CNTNAP2: variants seen among roughly 807,000 people sequenced by gnomAD.
CNTNAP2 encodes contactin associated protein 2, also known as contactin-associated protein-like 2.
A neutral mutation model predicts 155.2 loss-of-function variants in CNTNAP2; 98 were observed. The observed-to-expected ratio is 0.63, with a 90% CI of 0.54 to 0.75. The LOEUF (loss-of-function observed/expected upper bound fraction) is 0.75. Among genes scored for constraint, CNTNAP2 ranks in the 30% least tolerant of loss-of-function variants. The probability of loss-of-function intolerance (pLI) is 0.00; values close to 1 mark genes in which losing one functional copy is unlikely to be tolerated. For missense variants in CNTNAP2, 1,727 were observed against 1,688.1 expected (o/e 1.02, Z -0.40); for synonymous variants, 651 against 631.2 (o/e 1.03, Z -0.47).
At chr7:147,712,036 C>T (rs1796407934) in intron 13 of CNTNAP2, among the ~76,000 whole-genome samples, 1 of 152,104 alleles carries the variant, frequency 6.6e-6, no homozygotes, top group Non-Finnish European at 1.5e-5. Context: ...TTTCTCATTA[C>T]TCTCAATACA....
intron 1 of CNTNAP2, among the ~76,000 whole-genome samples, chr7:146,711,162 G>A (rs1397110383): frequency 6.7e-6 from 1 of 150,232 alleles, no homozygotes; most frequent in African/African-American, 2.4e-5. Context: ...AGGAGAAAAT[G>A]CTTGCAAGGC....
chr7:147,181,093 A>G (rs961337518), intron 8 of CNTNAP2, among the ~76,000 whole-genome samples: 1 of 152,182 alleles, frequency 6.6e-6, no homozygotes, highest in East Asian at 1.9e-4. Context: ...GCATGGGACA[A>G]TGAGGGCACA....
In CNTNAP2 at chr7:147,639,311, G is replaced by A. The variant is rs994335919; in HGVS notation, c.2098+5G>A. 62 of 1,613,290 alleles carry A rather than the reference G, an allele frequency of 3.8e-5. No individual in the cohort carries two copies. The highest frequency in any genetic ancestry group is 4.7e-5 in the Non-Finnish European group (55 of 1,179,522). ...CAAGATTGTTGAACACCCCAGGTAG[G>A]CTGAGAATGGAATGTTACTTTTAAT... is the stretch of plus-strand genomic sequence containing the variant. On this transcript the variant is annotated splice_donor_5th_base_variant and intron_variant, in intron 13 of 23. Coordinates refer to ENST00000361727, the MANE Select transcript of CNTNAP2 (RefSeq NM_014141.6).
At chr7:147,065,617 C>T (rs1439252943) in intron 4 of CNTNAP2, among the ~76,000 whole-genome samples, 1 of 152,108 alleles carries the variant, frequency 6.6e-6, no homozygotes, top group Non-Finnish European at 1.5e-5. Context: ...TATCCTGTCA[C>T]TTATATGTTC....
At position 148,018,756 on chromosome 7, in the gene CNTNAP2, TTTTGGC is replaced by T. The variant is rs1163132196; in HGVS notation, c.2383+40768_2383+40773del. Reference sequence around the variant, plus strand: ...GTGGGAAGGAGTCCCATGCTCTCATTTTTGGCACAAACAGAGTTTGACTCTCACCAC... The same window carrying T: ...GTGGGAAGGAGTCCCATGCTCTCATTACAAACAGAGTTTGACTCTCACCAC... On this transcript the variant is annotated intron_variant, in intron 15 of 23. Coordinates refer to ENST00000361727, the MANE Select transcript of CNTNAP2 (RefSeq NM_014141.6). Among the ~76,000 whole-genome samples, 17 of 152,284 alleles carry T rather than the reference TTTTGGC, an allele frequency of 1.1e-4. 1 individual carries two copies. The East Asian group carries it at 3.1e-3, about 28-fold the overall frequency.
intron 9 of CNTNAP2, among the ~76,000 whole-genome samples, chr7:147,333,873 G>A (rs950665478): frequency 6.6e-6 from 1 of 152,124 alleles, no homozygotes; most frequent in Non-Finnish European, 1.5e-5. Flanking sequence ...TTAGGCACAG[G>A]TAACAATATT....
intron 1 of CNTNAP2, among the ~76,000 whole-genome samples, chr7:146,264,558 T>C (rs1217741388): frequency 2.0e-5 from 3 of 152,082 alleles, no homozygotes; most frequent in Non-Finnish European, 2.9e-5. Context: ...GTCTAATAAA[T>C]AGTTGGCAAG....
chr7:146,436,585 G>A (rs1046702939), intron 1 of CNTNAP2, among the ~76,000 whole-genome samples: 10 of 152,050 alleles, frequency 6.6e-5, no homozygotes, highest in Non-Finnish European at 1.5e-4. Flanking sequence ...AAAGCAAAAT[G>A]ATAAATACAG....
intron 18 of CNTNAP2, among the ~76,000 whole-genome samples, chr7:148,174,832 C>T (rs1009544057): frequency 1.3e-5 from 2 of 151,960 alleles, no homozygotes; most frequent in African/African-American, 2.4e-5. Context: ...TGGGGTTTGC[C>T]GCACCTATCA....
At chr7:146,725,755 C>T (rs1296247633) in intron 1 of CNTNAP2, among the ~76,000 whole-genome samples, 1 of 152,142 alleles carries the variant, frequency 6.6e-6, no homozygotes, top group Non-Finnish European at 1.5e-5. Context: ...CCGAGGGACT[C>T]AGCATGCGGG....
intron 8 of CNTNAP2, among the ~76,000 whole-genome samples, chr7:147,285,710 C>T (rs1044782860): frequency 6.6e-5 from 10 of 151,878 alleles, no homozygotes; most frequent in Admixed American, 3.9e-4. Context: ...AACTATGTGC[C>T]TTTGGGACAT....
chr7:146,397,871 C>CTTTTTTTTTTTTT (rs1438446898), intron 1 of CNTNAP2, among the ~76,000 whole-genome samples: 3 of 126,916 alleles, frequency 2.4e-5, no homozygotes, highest in African/African-American at 3.4e-5. Context: ...ATTTGACAGG[C>CTTTTTTTTTTTTT]TTTTATTTAT....
intron 1 of CNTNAP2, among the ~76,000 whole-genome samples, chr7:146,757,475 C>A (rs1802013230): frequency 6.6e-6 from 1 of 152,082 alleles, no homozygotes; most frequent in African/African-American, 2.4e-5. Flanking sequence ...AAGGAATAAG[C>A]TCACTTTTAA....
chr7:147,185,318 T>C (rs1391763302), intron 8 of CNTNAP2, among the ~76,000 whole-genome samples: 4 of 152,272 alleles, frequency 2.6e-5, no homozygotes, highest in African/African-American at 9.6e-5. Context: ...TATTTAGCAT[T>C]ATCAAATAAA....
intron 13 of CNTNAP2, among the ~76,000 whole-genome samples, chr7:147,859,050 A>G (rs770044377): frequency 6.6e-6 from 1 of 152,218 alleles, no homozygotes; most frequent in East Asian, 1.9e-4. Flanking sequence ...AAGTTCACAG[A>G]TAACTCAGAA....
intron 3 of CNTNAP2, among the ~76,000 whole-genome samples, chr7:146,861,794 T>C (rs1399101050): frequency 1.3e-5 from 2 of 152,110 alleles, no homozygotes; most frequent in Non-Finnish European, 2.9e-5. Context: ...AATAATTATA[T>C]GTAATTTGCT....
At chr7:147,176,155 T>A (rs28522605) in intron 8 of CNTNAP2, among the ~76,000 whole-genome samples, 6,722 of 152,242 alleles carry the variant, frequency 0.044, 181 homozygotes, top group African/African-American at 0.078. Context: ...AATGAGGACC[T>A]TTTGGAAGTT....
intron 13 of CNTNAP2, among the ~76,000 whole-genome samples, chr7:147,722,359 G>A (rs1373433710): frequency 6.6e-6 from 1 of 152,090 alleles, no homozygotes; most frequent in African/African-American, 2.4e-5. Context: ...ATTGTTGAGC[G>A]TGGTTTACTT....
intron 13 of CNTNAP2, among the ~76,000 whole-genome samples, chr7:147,852,829 T>A (rs965359583): frequency 6.6e-6 from 1 of 152,234 alleles, no homozygotes; most frequent in Non-Finnish European, 1.5e-5. Flanking sequence ...GATCCTCTGC[T>A]GGTTGAAACC....
Sources: gnomAD v4.1 joint callset for allele counts (sites outside exome capture counted in the v4.1 genomes callset) on GRCh38, gnomAD v4.1.1 for gene constraint, MANE v1.5 for transcripts, NCBI Gene and HGNC (gene_info 2026-07-23, HGNC 2026-07-21) for gene names.